HS6ST2: variants seen among roughly 807,000 people sequenced by gnomAD.
The protein encoded by HS6ST2 is heparan-sulfate 6-O-sulfotransferase 2.
Under a neutral mutation model 33.0 loss-of-function variants are expected in HS6ST2, and 17 were observed. That is an observed-to-expected ratio of 0.52 (90% CI 0.35 to 0.77). HS6ST2 has a LOEUF of 0.77. Ranked by LOEUF, HS6ST2 falls within the 30% of genes least tolerant of loss-of-function variation. The probability of loss-of-function intolerance (pLI) is 0.01; values close to 1 mark genes in which losing one functional copy is unlikely to be tolerated. For synonymous variants in HS6ST2, 248 were observed against 237.1 expected (o/e 1.05, Z -0.42); for missense variants, 519 against 551.7 (o/e 0.94, Z 0.59).
At chrX:132,691,701 G>A (rs957853976) in intron 3 of HS6ST2, among the ~76,000 whole-genome samples, 1 of 112,161 alleles carries the variant, frequency 8.9e-6, no homozygotes, top group Admixed American at 9.5e-5. Context: ...ACACATCATT[G>A]AAAAGGCAAC....
intron 2 of HS6ST2, among the ~76,000 whole-genome samples, chrX:132,709,812 A>AACACACACACACACACACACAC (rs60459374): frequency 4.9e-4 from 45 of 92,210 alleles, no homozygotes; most frequent in African/African-American, 1.3e-3. Context: ...GAAAAGACAA[A>AACACACACACACACACACACAC]ACACACACAC....
chrX:132,770,784 G>T lies in HS6ST2; in HGVS notation c.948-62290C>A, dbSNP rs1040639750. ...TGCGGTAAATGCTTAAATTAGTAGG[G>T]CTCTTCTGGTGGGCAGTGTGGCTAA... On this transcript the variant is annotated intron_variant, in intron 2 of 4. Coordinates refer to ENST00000370833, the MANE Select transcript of HS6ST2 (RefSeq NM_001394073.1). Among the ~76,000 whole-genome samples the T allele has an allele frequency of 3.6e-5, 4 of 110,973 alleles. No homozygotes were observed. The Admixed American group carries it at 3.9e-4, about 11-fold the overall frequency.
intron 3 of HS6ST2, among the ~76,000 whole-genome samples, chrX:132,691,036 G>T (rs1414528479): frequency 1.8e-5 from 2 of 111,989 alleles, no homozygotes; most frequent in African/African-American, 6.5e-5. Context: ...TTGTGAAAGT[G>T]AATTTTTGTG....
chrX:132,646,214 C>T (rs758074310), intron 4 of HS6ST2, among the ~76,000 whole-genome samples: 10 of 112,133 alleles, frequency 8.9e-5, no homozygotes, highest in African/African-American at 2.9e-4. Flanking sequence ...CACAGCCCCT[C>T]CCCAACACAG....
chrX:132,809,146 G>A (rs745748937), intron 2 of HS6ST2, among the ~76,000 whole-genome samples: 61 of 111,338 alleles, frequency 5.5e-4, no homozygotes, highest in African/African-American at 1.9e-3. Context: ...GTGCTACCAC[G>A]CCTGGCTAAT....
At chrX:132,772,442 G>A (rs1272290527) in intron 2 of HS6ST2, among the ~76,000 whole-genome samples, 3 of 108,849 alleles carry the variant, frequency 2.8e-5, no homozygotes, top group Non-Finnish European at 3.8e-5. Flanking sequence ...GGGAAATATT[G>A]TGCTGGCAAG....
chrX:132,701,000 C>CATA (rs751939471), intron 3 of HS6ST2, among the ~76,000 whole-genome samples: 2 of 111,631 alleles, frequency 1.8e-5, no homozygotes, highest in African/African-American at 6.5e-5. Context: ...GTCCTTTGAG[C>CATA]ATAATGAATT....
intron 2 of HS6ST2, among the ~76,000 whole-genome samples, chrX:132,880,202 TC>T (rs2066151772): frequency 9.0e-6 from 1 of 111,685 alleles, no homozygotes; most frequent in Non-Finnish European, 1.9e-5. Flanking sequence ...TCTGCATCTC[TC>T]TACTGCCCCC....
At chrX:132,828,154 T>C (rs746509597) in intron 2 of HS6ST2, among the ~76,000 whole-genome samples, 55 of 111,220 alleles carry the variant, frequency 4.9e-4, no homozygotes, top group Non-Finnish European at 8.7e-4. Context: ...TTTTAACTCA[T>C]CTATAGAAAG....
At chrX:132,683,150 TA>T (rs1450893709) in intron 3 of HS6ST2, among the ~76,000 whole-genome samples, 7 of 110,479 alleles carry the variant, frequency 6.3e-5, no homozygotes, top group African/African-American at 2.3e-4. Flanking sequence ...GGTAAACAAT[TA>T]AAAATTTCCC....
intron 2 of HS6ST2, among the ~76,000 whole-genome samples, chrX:132,709,592 C>T (rs963548818): frequency 1.8e-5 from 2 of 110,638 alleles, no homozygotes; most frequent in Admixed American, 9.7e-5. Context: ...CTTGGTGAGG[C>T]CTAACATCAA....
At chrX:132,815,498 C>T (rs779843049) in intron 2 of HS6ST2, among the ~76,000 whole-genome samples, 60 of 111,873 alleles carry the variant, frequency 5.4e-4, no homozygotes, top group Middle Eastern at 4.6e-3. Flanking sequence ...GCTCTAGAAT[C>T]CATGCTCTCA....
intron 2 of HS6ST2, among the ~76,000 whole-genome samples, chrX:132,807,478 T>G (rs1170212290): frequency 9.6e-6 from 1 of 104,202 alleles, no homozygotes; most frequent in Non-Finnish European, 2.1e-5. Flanking sequence ...GGGAGATTAG[T>G]GCTGTCAGGG....
At chrX:132,762,769 T>A (rs1046575876) in intron 2 of HS6ST2, among the ~76,000 whole-genome samples, 2 of 111,946 alleles carry the variant, frequency 1.8e-5, no homozygotes, top group Non-Finnish European at 3.8e-5. Flanking sequence ...GTTGCTAGCA[T>A]AGCCCAAGAG....
chrX:132,838,387 G>T (rs770576401), intron 2 of HS6ST2, among the ~76,000 whole-genome samples: 1 of 111,719 alleles, frequency 9.0e-6, no homozygotes, highest in Non-Finnish European at 1.9e-5. Flanking sequence ...CCACTATCTA[G>T]CACCAGACGG....
At chrX:132,758,880 T>G (rs2064780900) in intron 2 of HS6ST2, among the ~76,000 whole-genome samples, 1 of 111,767 alleles carries the variant, frequency 8.9e-6, no homozygotes, top group Admixed American at 9.5e-5. Context: ...ATCAAGCCTG[T>G]CTCGTCTGCA....
At chrX:132,912,922 A>G (rs150295863) in intron 2 of HS6ST2, among the ~76,000 whole-genome samples, 244 of 111,648 alleles carry the variant, frequency 2.2e-3, no homozygotes, top group African/African-American at 7.8e-3. Context: ...CCTATTTTAC[A>G]TATACCTACC....
intron 3 of HS6ST2, among the ~76,000 whole-genome samples, chrX:132,707,463 A>G (rs1040534137): frequency 6.2e-5 from 7 of 112,620 alleles, no homozygotes; most frequent in Non-Finnish European, 1.3e-4. Flanking sequence ...GGAGTATGGA[A>G]GCCCAGCTAC....
intron 2 of HS6ST2, among the ~76,000 whole-genome samples, chrX:132,764,675 CT>C (rs2064829232): frequency 9.0e-6 from 1 of 111,706 alleles, no homozygotes; most frequent in Admixed American, 9.5e-5. Flanking sequence ...AATCCACCTC[CT>C]TCCAGGCCAA....
Sources: gnomAD v4.1 joint callset for allele counts (sites outside exome capture counted in the v4.1 genomes callset) on GRCh38, gnomAD v4.1.1 for gene constraint, MANE v1.5 for transcripts, NCBI Gene and HGNC (gene_info 2026-07-23, HGNC 2026-07-21) for gene names.